EXD1: variants seen among roughly 807,000 people sequenced by gnomAD.
EXD1 encodes exonuclease 3'-5' domain containing 1.
EXD1 carries 63 observed loss-of-function variants against 49.1 expected under a neutral mutation model. The ratio of observed to expected loss-of-function variants is 1.28; its 90% confidence interval spans 1.05 to 1.58. The LOEUF (loss-of-function observed/expected upper bound fraction) is 1.58, where lower values mean the gene tolerates loss of function less well. Among genes scored for constraint, EXD1 ranks in the 40% most tolerant of loss-of-function variants. The pLI is 0.00. For missense variants in EXD1, 748 were observed against 666.0 expected (o/e 1.12, Z -1.36); for synonymous variants, 234 against 239.2 (o/e 0.98, Z 0.20).
chr15:41,199,739 G>GATATATACCATATATGATATATAATATA (rs777473507), intron 7 of EXD1, among the ~76,000 whole-genome samples: 11 of 79,378 alleles, frequency 1.4e-4, no homozygotes, highest in African/African-American at 5.7e-4. Context: ...TGATATATAT[G>GATATATACCATATATGATATATAATATA]TCATATATTA....
rs376488821 is a variant in EXD1 at position 41,230,474 on chromosome 15, C to A, written c.-54+5G>T. On this transcript the variant is annotated splice_donor_5th_base_variant and intron_variant, in intron 1 of 11. Coordinates refer to ENST00000458580, the MANE Select transcript of EXD1 (RefSeq NM_001286441.2). ...AAAATAAGGAACTTCAAATAAATGG[C>A]GGACCATAAGCTAGGAATTCACTGT... The A allele has an allele frequency of 1.2e-6, 2 of 1,612,512 alleles. No homozygotes were observed. The highest frequency in any genetic ancestry group is 1.3e-5 in the African/African-American group (1 of 74,874).
chr15:41,189,844 A>G, intron 11 of EXD1, 93 bp downstream of exon 11: 2 of 1,294,294 alleles, frequency 1.5e-6, no homozygotes, highest in Non-Finnish European at 2.2e-6. Flanking sequence ...TGACCCCATG[A>G]AAACTATCGC....
At chr15:41,194,661 T>A (rs1393904554) in intron 9 of EXD1, among the ~76,000 whole-genome samples, 1 of 152,226 alleles carries the variant, frequency 6.6e-6, no homozygotes, top group Non-Finnish European at 1.5e-5. Context: ...TACACTGTTA[T>A]AGAAAAAGAA....
chr15:41,229,086 G>T (rs1461484629), intron 1 of EXD1, among the ~76,000 whole-genome samples: 1 of 152,154 alleles, frequency 6.6e-6, no homozygotes, highest in African/African-American at 2.4e-5. Flanking sequence ...AACATACAAA[G>T]CAGCTCCAGT....
chr15:41,207,552 AT>A (rs1325638465), intron 7 of EXD1, among the ~76,000 whole-genome samples: 4 of 152,198 alleles, frequency 2.6e-5, no homozygotes, highest in African/African-American at 7.2e-5. Flanking sequence ...CAAAAAAAAA[AT>A]AATAAAAAAA....
rs766156059 is a variant in EXD1, at chr15:41,195,910, C to T, written c.639+23G>A. ...AACCTGGCTGCTAATCTTAATAGCA[C>T]AGGAATCAGTTTATATACTTACCTT... On this transcript the variant is annotated intron_variant, in intron 8 of 11. Coordinates refer to ENST00000458580, the MANE Select transcript of EXD1 (RefSeq NM_001286441.2). The T allele has an allele frequency of 1.9e-6, 3 of 1,608,780 alleles. No homozygotes were observed. The South Asian group carries it at 3.3e-5, about 18-fold the overall frequency.
At chr15:41,230,214 G>C (rs901656499) in intron 1 of EXD1, among the ~76,000 whole-genome samples, 1 of 151,106 alleles carries the variant, frequency 6.6e-6, no homozygotes, top group Non-Finnish European at 1.5e-5. Flanking sequence ...CTCCCGAGTA[G>C]CTGGGATTAC....
intron 1 of EXD1, among the ~76,000 whole-genome samples, chr15:41,229,585 A>T (rs2047208168): frequency 6.6e-6 from 1 of 152,130 alleles, no homozygotes; most frequent in South Asian, 2.1e-4. Context: ...CCTGACCAAC[A>T]TGGAGAAGCC....
chr15:41,190,071 C>T lies in EXD1; in HGVS notation c.922G>A (p.Ala308Thr), dbSNP rs1473828554. 3 of 1,614,084 alleles carry T rather than the reference C, an allele frequency of 1.9e-6. No individual in the cohort carries two copies. The highest frequency in any genetic ancestry group is 2.5e-6 in the Non-Finnish European group (3 of 1,180,018). Residue 308 changes from alanine (A) to threonine (T), a missense_variant, in exon 11 of 12, where the codon GCC (alanine) becomes ACC (threonine). Physicochemically the swap from Ala to Thr is moderately conservative, Grantham distance 58. Transcript: ENST00000458580. The part of the protein sequence containing the change: ...PVSPSLLKIL[A>T]LEATYLLPLR... ...GGTAACAGGTAGGTAGCTTCCAGGG[C>T]CAAAATTTTCAGTAAAGAGGGTGAA... is the stretch of plus-strand genomic sequence containing the variant.
At chr15:41,213,169 T>G (rs1288229249) in intron 6 of EXD1, among the ~76,000 whole-genome samples, 1 of 152,096 alleles carries the variant, frequency 6.6e-6, no homozygotes, top group African/African-American at 2.4e-5. Flanking sequence ...TCAAAAAAAC[T>G]ACATATTTTA....
At position 41,230,538 on chromosome 15, in the gene EXD1, G is replaced by C; in HGVS notation, c.-113C>G. ...GGCTTTTTCCTCCGAAGGAAGTTTG[G>C]GAAATCTGGATCCTAATTTCAGCCA... On this transcript the variant is annotated 5_prime_UTR_variant, in exon 1 of 12. Transcript: ENST00000458580. 6.2e-7 allele frequency: 1 copy of C among 1,614,158 alleles called. No individual in the cohort carries two copies. Among genetic ancestry groups the C allele is most frequent in the Non-Finnish European group, 8.5e-7 (1 of 1,179,998 alleles).
chr15:41,222,638 ATTTT>A (rs10555628), intron 2 of EXD1, among the ~76,000 whole-genome samples: 18,304 of 133,668 alleles, frequency 0.14, 1,706 homozygotes, highest in African/African-American at 0.3. Context: ...TTTTATTTAA[ATTTT>A]TTTTTTTTTT....
At chr15:41,217,268 A>T (rs775352512) in intron 3 of EXD1, 114 bp from the exon 4 acceptor site, 18 of 844,464 alleles carry the variant, frequency 2.1e-5, no homozygotes, top group Non-Finnish European at 3.4e-5. Flanking sequence ...ATTGGAAATG[A>T]CATGTTAGTC....
At chr15:41,215,987 C>CT (rs1260737577) in intron 5 of EXD1, among the ~76,000 whole-genome samples, 154 bp from the exon 6 acceptor site, 2 of 151,798 alleles carry the variant, frequency 1.3e-5, no homozygotes, top group African/African-American at 2.4e-5. Flanking sequence ...ACTTCTCTTC[C>CT]TTTTTTTTCC....
intron 7 of EXD1, among the ~76,000 whole-genome samples, chr15:41,199,765 TG>T (rs2046692310): frequency 2.2e-4 from 4 of 18,212 alleles, no homozygotes; most frequent in South Asian, 2.4e-3. Context: ...GATACATATA[TG>T]ATATATATGT....
chr15:41,206,929 C>CT lies in EXD1; in HGVS notation c.534+2571dup, dbSNP rs532980257. 2.4e-4 allele frequency among the ~76,000 whole-genome samples: 13 copies of CT among 54,376 alleles called. 1 individual carries two copies. Among genetic ancestry groups the CT allele is most frequent in the Admixed American group, 5.7e-4 (2 of 3,508 alleles). 35.7% of individuals were successfully genotyped at this position (54,376 alleles called of 152,430 possible). ...GCCACTGTGCCTGCCCTATTCAACT[C>CT]TTTTTTTTTTTTTTTTTTTTTTTTT... On this transcript the variant is annotated intron_variant, in intron 7 of 11. Coordinates refer to ENST00000458580, the MANE Select transcript of EXD1 (RefSeq NM_001286441.2).
intron 5 of EXD1, among the ~76,000 whole-genome samples, 179 bp from the exon 6 acceptor site, chr15:41,216,012 C>T (rs532614100): frequency 6.6e-6 from 1 of 152,108 alleles, no homozygotes; most frequent in African/African-American, 2.4e-5. Flanking sequence ...TAGCATTTGG[C>T]ACTATTACAG....
chr15:41,192,078 C>G (rs534497726), intron 9 of EXD1: 5 of 153,944 alleles, frequency 3.2e-5, no homozygotes, highest in Non-Finnish European at 5.8e-5. Context: ...GATCTGGACT[C>G]GTTCACCCTC....
In EXD1 at chr15:41,183,928, T is replaced by C. The variant is rs1156350749; in HGVS notation, c.*3A>G. The C allele has an allele frequency of 6.3e-7, 1 of 1,578,832 alleles. No homozygotes were observed. The highest frequency in any genetic ancestry group is 8.6e-7 in the Non-Finnish European group (1 of 1,163,818). ...TATGGCCTTAAGAACAAACTGCCCA[T>C]CTCTAGGGCAGATTTAGAAAAGGAC... On this transcript the variant is annotated 3_prime_UTR_variant, in exon 12 of 12. Transcript: ENST00000458580.
Sources: gnomAD v4.1 joint callset for allele counts (sites outside exome capture counted in the v4.1 genomes callset) on GRCh38, gnomAD v4.1.1 for gene constraint, MANE v1.5 for transcripts, NCBI Gene and HGNC (gene_info 2026-07-23, HGNC 2026-07-21) for gene names.